The following TTC17 variants were observed in gnomAD, a reference collection of about 807,000 sequenced individuals.
The protein encoded by TTC17 is tetratricopeptide repeat domain 17.
In TTC17, 58 loss-of-function variants were observed where a neutral mutation model predicts 143.8. That is an observed-to-expected ratio of 0.40 (90% CI 0.33 to 0.50). The LOEUF is 0.50. TTC17 is among the 20% of genes least tolerant of loss of function. The pLI is 0.49. For missense variants in TTC17, 1,273 were observed against 1,392.5 expected (o/e 0.91, Z 1.37); for synonymous variants, 501 against 497.8 (o/e 1.01, Z -0.09).
intron 16 of TTC17, among the ~76,000 whole-genome samples, chr11:43,438,793 T>C (rs1947348917): frequency 6.6e-6 from 1 of 152,232 alleles, no homozygotes; most frequent in African/African-American, 2.4e-5. Context: ...CTTCCAAGAT[T>C]GTTAATGTTG....
chr11:43,471,329 G>T (rs1181010748), intron 21 of TTC17, among the ~76,000 whole-genome samples: 1 of 152,186 alleles, frequency 6.6e-6, no homozygotes, highest in Non-Finnish European at 1.5e-5. Flanking sequence ...GGATGAGCAG[G>T]CAGCTCAGCT....
chr11:43,408,009 A>C (rs1461776253), intron 15 of TTC17, among the ~76,000 whole-genome samples: 1 of 152,206 alleles, frequency 6.6e-6, no homozygotes, highest in Non-Finnish European at 1.5e-5. Flanking sequence ...TTTGATAAGA[A>C]TAAATAGATA....
intron 15 of TTC17, among the ~76,000 whole-genome samples, chr11:43,413,801 TAAA>T (rs1431044002): frequency 1.3e-5 from 2 of 152,064 alleles, no homozygotes. Context: ...TAGCTAAAAT[TAAA>T]AAGACTGACA....
intron 16 of TTC17, among the ~76,000 whole-genome samples, chr11:43,437,045 C>CA (rs1000217210): frequency 2.6e-5 from 4 of 152,166 alleles, no homozygotes; most frequent in African/African-American, 9.7e-5. Flanking sequence ...CTTGACTACA[C>CA]CAATGTCTCC....
intron 17 of TTC17, 58 bp downstream of exon 17, chr11:43,443,642 A>G (rs1267387975): frequency 1.3e-6 from 2 of 1,547,192 alleles, no homozygotes; most frequent in South Asian, 1.3e-5. Flanking sequence ...AGGGGATCCT[A>G]ATATGCAAAG....
chr11:43,477,989 A>G (rs1564981707), intron 21 of TTC17, among the ~76,000 whole-genome samples: 1 of 152,178 alleles, frequency 6.6e-6, no homozygotes, highest in Non-Finnish European at 1.5e-5. Flanking sequence ...GTATGTGTGT[A>G]TCATTAGAAG....
intron 21 of TTC17, among the ~76,000 whole-genome samples, chr11:43,461,505 G>C (rs1408649330): frequency 6.7e-6 from 1 of 148,678 alleles, no homozygotes; most frequent in African/African-American, 2.5e-5. Context: ...GTTCTTAAAA[G>C]ATTAAGGCAA....
intron 16 of TTC17, among the ~76,000 whole-genome samples, chr11:43,415,329 G>C (rs188643640): frequency 6.6e-6 from 1 of 152,092 alleles, no homozygotes; most frequent in Non-Finnish European, 1.5e-5. Context: ...ATCCACCTGG[G>C]TAAAGCTAAT....
intron 1 of TTC17, among the ~76,000 whole-genome samples, chr11:43,378,599 GTTATGCAATTGTAACATT>G (rs1369147738): frequency 6.6e-6 from 1 of 152,158 alleles, no homozygotes; most frequent in Non-Finnish European, 1.5e-5. Context: ...TTGCTCAAAG[GTTATGCAATTGTAACATT>G]TTGATATATG....
chr11:43,416,471 T>C (rs1302921593), intron 16 of TTC17, among the ~76,000 whole-genome samples: 1 of 152,148 alleles, frequency 6.6e-6, no homozygotes, highest in Non-Finnish European at 1.5e-5. Flanking sequence ...AAATATATTC[T>C]TAGTACATGT....
intron 2 of TTC17, among the ~76,000 whole-genome samples, chr11:43,387,986 A>G (rs1221130245): frequency 6.6e-6 from 1 of 152,228 alleles, no homozygotes; most frequent in African/African-American, 2.4e-5. Flanking sequence ...GTTATGATCT[A>G]CTGGGACAAT....
In TTC17 at chr11:43,444,329, G is replaced by A. The variant is rs994176603; in HGVS notation, c.2665+120G>A. ...TGAGATGATAAAGGGGCAAAGTGTG[G>A]TCAAGAAACCAGTCTATCTTCTGTA... On this transcript the variant is annotated intron_variant, in intron 18 of 23. Coordinates refer to ENST00000039989, the MANE Select transcript of TTC17 (RefSeq NM_018259.6). 7.0e-5 allele frequency: 68 copies of A among 974,900 alleles called. No individual in the cohort carries two copies. The African/African-American group carries it at 1.0e-3, about 14-fold the overall frequency. The allele number at this position is 974,900 out of a possible 1,614,324, so 60.4% of individuals were successfully genotyped here.
chr11:43,408,865 C>T (rs978448053), intron 15 of TTC17, among the ~76,000 whole-genome samples: 4 of 152,066 alleles, frequency 2.6e-5, no homozygotes, highest in Non-Finnish European at 5.9e-5. Context: ...CCTCAGCCTC[C>T]CTAGTAGCTG....
chr11:43,469,427 C>T (rs750569513), intron 21 of TTC17, among the ~76,000 whole-genome samples: 1 of 152,086 alleles, frequency 6.6e-6, no homozygotes, highest in South Asian at 2.1e-4. Flanking sequence ...ATATTTACAG[C>T]AGCTTTATTC....
intron 21 of TTC17, among the ~76,000 whole-genome samples, chr11:43,488,475 A>G (rs1482447911): frequency 6.7e-6 from 1 of 150,344 alleles, no homozygotes; most frequent in Non-Finnish European, 1.5e-5. Context: ...TATATATAGT[A>G]TAATATATAT....
intron 11 of TTC17, 110 bp downstream of exon 11, chr11:43,404,254 T>C: frequency 9.7e-7 from 1 of 1,032,844 alleles, no homozygotes. Flanking sequence ...TTCAGATTAG[T>C]TCAGCAAACG....
intron 21 of TTC17, among the ~76,000 whole-genome samples, chr11:43,457,671 G>A (rs11827674): frequency 0.56 from 85,634 of 151,894 alleles, 24,978 homozygotes; most frequent in African/African-American, 0.68. Context: ...GAACTTAAAA[G>A]TACAGTAATG....
At position 43,448,044 on chromosome 11, in the gene TTC17, A is replaced by T; in HGVS notation, c.2708A>T (p.Asp903Val). 1 of 1,614,124 alleles carries T rather than the reference A, an allele frequency of 6.2e-7. No individual in the cohort carries two copies. The highest frequency in any genetic ancestry group is 8.5e-7 in the Non-Finnish European group (1 of 1,179,982). The change falls in exon 19 of 24, where the codon GAC becomes GTC. Residue 903 changes from aspartate (D) to valine (V), a missense_variant. Transcript: ENST00000039989. ...DYQRLGWPSP[D>V]ECLKLRWVEL... The stretch of plus-strand genomic sequence containing the variant: ...CAGCGTCTGGGATGGCCCAGCCCGG[A>T]CGAATGCCTCAAACTCCGCTGGGTA...
intron 16 of TTC17, among the ~76,000 whole-genome samples, chr11:43,438,284 A>G (rs1947337175): frequency 6.6e-6 from 1 of 152,118 alleles, no homozygotes. Context: ...CAGCCTTCCA[A>G]GTAACTGGGA....
Sources: allele counts gnomAD v4.1 joint callset (sites outside exome capture counted in the v4.1 genomes callset), GRCh38; gene constraint gnomAD v4.1.1; transcripts MANE v1.5; gene names NCBI Gene and HGNC (gene_info 2026-07-23, HGNC 2026-07-21).